The following GALNT18 variants were observed in gnomAD, a reference collection of about 807,000 sequenced individuals.
GALNT18 encodes the protein polypeptide N-acetylgalactosaminyltransferase 18.
GALNT18 carries 44 observed loss-of-function variants against 69.5 expected under a neutral mutation model. The observed-to-expected ratio is 0.63, with a 90% confidence interval of 0.50 to 0.81. The LOEUF is 0.81. GALNT18 is among the 40% of genes least tolerant of loss of function. The pLI is 0.00. For synonymous variants in GALNT18, 364 were observed against 318.2 expected (o/e 1.14, Z -1.53); for missense variants, 715 against 810.0 (o/e 0.88, Z 1.42).
Position 11,404,579 on chromosome 11 carries a change from C to T in GALNT18, c.596-25315G>A, listed in dbSNP as rs754575818. Among the ~76,000 whole-genome samples, 5 of 152,124 alleles carry T rather than the reference C, an allele frequency of 3.3e-5. No individual in the cohort carries two copies. The highest frequency in any genetic ancestry group is 1.3e-4 in the Admixed American group (2 of 15,282). ...AAAATGTCTGAGTGTATCTGAACCA[C>T]GGCTCCATCCAAACCTAAGCCCTCC... On this transcript the variant is annotated intron_variant, in intron 3 of 10. Transcript: ENST00000227756. The surrounding 1 kb of genome is among the most constrained non-coding windows in gnomAD (Gnocchi z 4.5).
rs143926675 is a variant in GALNT18, at chr11:11,544,467, C to T, written c.235+76892G>A. On this transcript the variant is annotated intron_variant, in intron 1 of 10. Transcript: ENST00000227756. ...AAAATCAGTGAGCACTTGGTAGATG[C>T]CAGAAGCTATACTGTGCACTGGGGT... Among the ~76,000 whole-genome samples, 6 of 152,270 alleles carry T rather than the reference C, an allele frequency of 3.9e-5. No individual in the cohort carries two copies. The East Asian group carries it at 1.2e-3, about 29-fold the overall frequency.
At chr11:11,316,720 G>A (rs2403514) in intron 9 of GALNT18, among the ~76,000 whole-genome samples, 86,486 of 152,090 alleles carry the variant, frequency 0.57, 26,540 homozygotes, top group Admixed American at 0.73. Context: ...AGTAAATTTA[G>A]GCAGAAAGAA....
intron 9 of GALNT18, among the ~76,000 whole-genome samples, chr11:11,303,768 G>T (rs1849535205): frequency 6.6e-6 from 1 of 152,182 alleles, no homozygotes; most frequent in South Asian, 2.1e-4. Flanking sequence ...TTCTGACCTG[G>T]GACTGTTTAT....
At chr11:11,517,897 A>G (rs11021887) in intron 1 of GALNT18, among the ~76,000 whole-genome samples, 30,334 of 152,182 alleles carry the variant, frequency 0.2, 3,659 homozygotes, top group Non-Finnish European at 0.25. Context: ...GAAATCTGCA[A>G]TTTCCCATTA....
chr11:11,478,915 CGGCATCTCCCGCGGAGGT>C (rs56262821), intron 1 of GALNT18, among the ~76,000 whole-genome samples: 120,545 of 150,602 alleles, frequency 0.8, 48,834 homozygotes, highest in Admixed American at 0.87. Context: ...TGCGGCATCT[CGGCATCTCCCGCGGAGGT>C]GGCATCTCCC....
intron 10 of GALNT18, among the ~76,000 whole-genome samples, chr11:11,289,720 A>T (rs182914786): frequency 6.6e-6 from 1 of 152,246 alleles, no homozygotes; most frequent in African/African-American, 2.4e-5. Context: ...GGTGGGAAGG[A>T]TTCTGTGAGG....
chr11:11,344,671 T>C (rs1385887883), intron 6 of GALNT18, among the ~76,000 whole-genome samples: 1 of 152,196 alleles, frequency 6.6e-6, no homozygotes, highest in African/African-American at 2.4e-5. Context: ...GCAGGTTACT[T>C]CCCTCCCAAG....
intron 6 of GALNT18, among the ~76,000 whole-genome samples, chr11:11,353,721 G>C (rs942027720): frequency 6.6e-6 from 1 of 152,094 alleles, no homozygotes; most frequent in Non-Finnish European, 1.5e-5. Flanking sequence ...GATAACACTG[G>C]CCCAAAGAAG....
chr11:11,294,502 A>C (rs10831575), intron 9 of GALNT18, among the ~76,000 whole-genome samples: 92,910 of 151,596 alleles, frequency 0.61, 28,665 homozygotes, highest in Middle Eastern at 0.73. Flanking sequence ...CATAAGCAAG[A>C]CTTTCAAAGG....
At chr11:11,508,029 T>C (rs1857099516) in intron 1 of GALNT18, among the ~76,000 whole-genome samples, 1 of 152,348 alleles carries the variant, frequency 6.6e-6, no homozygotes, top group African/African-American at 2.4e-5. Context: ...ATTACCATAA[T>C]ACCATATGAT....
intron 1 of GALNT18, among the ~76,000 whole-genome samples, chr11:11,453,888 T>C (rs903507271): frequency 4.6e-5 from 7 of 152,226 alleles, no homozygotes; most frequent in African/African-American, 1.7e-4. Context: ...CTTAGCAGCA[T>C]GAGAACAGAC....
rs529406718 is a variant in GALNT18 at position 11,370,599 on chromosome 11, A to C, written c.1092+1916T>G. On this transcript the variant is annotated intron_variant, in intron 6 of 10. Transcript: ENST00000227756. ...GAGAAGAGATGGAGGAAAAAAAAAA[A>C]AACCAGATATCATTGCCAACTGTAT... is the stretch of plus-strand genomic sequence containing the variant. Among the ~76,000 whole-genome samples, 1,071 of 152,210 alleles carry C rather than the reference A, an allele frequency of 7.0e-3. 11 individuals carry two copies. The highest frequency in any genetic ancestry group is 0.024 in the African/African-American group (1,013 of 41,510).
chr11:11,295,653 AGT>A lies in GALNT18; in HGVS notation c.1513-2462_1513-2461del, dbSNP rs976689858. On this transcript the variant is annotated intron_variant, in intron 9 of 10. Transcript: ENST00000227756. ...TCAGGGTGGAGGGAGGTGGGTGGAGAGTGTGTCTGGAGGGAGGAGCAGAAGAC... is the reference window on the plus strand; with the variant it reads ...TCAGGGTGGAGGGAGGTGGGTGGAGAGTGTCTGGAGGGAGGAGCAGAAGAC... Among the ~76,000 whole-genome samples, 139 of 151,868 alleles carry A rather than the reference AGT, an allele frequency of 9.2e-4. 2 individuals are homozygous for A. The highest frequency in any genetic ancestry group is 1.6e-4 in the Non-Finnish European group (11 of 67,930).
chr11:11,418,935 C>T (rs1490050803), intron 3 of GALNT18, among the ~76,000 whole-genome samples: 1 of 152,122 alleles, frequency 6.6e-6, no homozygotes, highest in African/African-American at 2.4e-5. Flanking sequence ...TGCCCAATGC[C>T]CCTTAAGGGA....
intron 1 of GALNT18, among the ~76,000 whole-genome samples, chr11:11,520,311 G>T (rs1386706481): frequency 6.6e-6 from 1 of 152,200 alleles, no homozygotes; most frequent in African/African-American, 2.4e-5. Context: ...GATCACCCAG[G>T]GAGCAAATGG....
intron 3 of GALNT18, among the ~76,000 whole-genome samples, chr11:11,423,231 C>G (rs921868139): frequency 5.9e-5 from 9 of 152,214 alleles, no homozygotes; most frequent in African/African-American, 2.2e-4. Context: ...GATATGCATG[C>G]AAGGCATGCA....
Position 11,465,717 on chromosome 11 carries a change from T to C in GALNT18, c.236-16781A>G, listed in dbSNP as rs929686983. 4.6e-5 allele frequency among the ~76,000 whole-genome samples: 7 copies of C among 152,132 alleles called. No individual in the cohort carries two copies. Among genetic ancestry groups the C allele is most frequent in the African/African-American group, 1.7e-4 (7 of 41,438 alleles). On this transcript the variant is annotated intron_variant, in intron 1 of 10. Transcript: ENST00000227756. The surrounding 1 kb of genome is among the most constrained non-coding windows in gnomAD (Gnocchi z 5.7). ...CATACCACGGTTAGCTCCTGGACCA[T>C]GGACCTGGGCAAGGTCAGCTGGCTC...
At chr11:11,378,759 C>T (rs566131256) in intron 4 of GALNT18, among the ~76,000 whole-genome samples, 2 of 152,154 alleles carry the variant, frequency 1.3e-5, no homozygotes. Flanking sequence ...CTGTCCTTAG[C>T]GGGACACTCT....
intron 6 of GALNT18, among the ~76,000 whole-genome samples, chr11:11,370,183 G>A (rs1428028054): frequency 6.6e-6 from 1 of 152,152 alleles, no homozygotes; most frequent in Non-Finnish European, 1.5e-5. Flanking sequence ...TAGTAATTGC[G>A]CAAACAACTT....
Sources: gnomAD v4.1 joint callset for allele counts (sites outside exome capture counted in the v4.1 genomes callset) on GRCh38, gnomAD v4.1.1 for gene constraint, Gnocchi (gnomAD v3.1) non-coding constraint, MANE v1.5 for transcripts, NCBI Gene and HGNC (gene_info 2026-07-23, HGNC 2026-07-21) for gene names.